Variants in EXT1 observed in about 807,000 individuals in gnomAD.
EXT1 encodes exostosin glycosyltransferase 1.
EXT1 carries 20 observed loss-of-function variants against 82.5 expected under a neutral mutation model. The observed-to-expected ratio is 0.24, with a 90% CI of 0.17 to 0.35. EXT1 has a LOEUF of 0.35. Among genes scored for constraint, EXT1 ranks in the 10% least tolerant of loss-of-function variants. The pLI, the probability that EXT1 is intolerant of heterozygous loss-of-function variation, is 1.00. For synonymous variants in EXT1, 348 were observed against 350.8 expected, an observed-to-expected ratio of 0.99 and a Z score of 0.09; for missense variants, 757 against 936.5, an observed-to-expected ratio of 0.81 and a Z score of 2.50.
At position 117,919,506 on chromosome 8, in the gene EXT1, CT is replaced by C. The variant is rs34037715; in HGVS notation, c.963-82306del. On this transcript the variant is annotated intron_variant, in intron 1 of 10. Coordinates refer to ENST00000378204, the MANE Select transcript of EXT1 (RefSeq NM_000127.3). ...CGCTTGGCCAACATCTGAGTTAAAA[CT>C]TTTTTTTTTTTTTTTGAGACAAGGT... 8.2e-3 allele frequency among the ~76,000 whole-genome samples: 1,151 copies of C among 140,996 alleles called. 11 individuals are homozygous for C. Among genetic ancestry groups the C allele is most frequent in the African/African-American group, 0.025 (932 of 37,598 alleles). The allele number at this position is 140,996 out of a possible 152,430, so 92.5% of individuals were successfully genotyped here.
At chr8:118,104,434 C>A (rs1021977259) in intron 1 of EXT1, among the ~76,000 whole-genome samples, 1 of 152,286 alleles carries the variant, frequency 6.6e-6, no homozygotes, top group Admixed American at 6.5e-5. Flanking sequence ...GACATGGCCA[C>A]TGCATACAAC....
chr8:117,850,871 T>TA (rs1812441507), intron 1 of EXT1, among the ~76,000 whole-genome samples: 1 of 151,878 alleles, frequency 6.6e-6, no homozygotes, highest in Non-Finnish European at 1.5e-5. Context: ...ACCCCAAGGG[T>TA]AGACCATTGG....
chr8:117,801,635 A>T (rs1486201148), intron 10 of EXT1, among the ~76,000 whole-genome samples: 1 of 152,134 alleles, frequency 6.6e-6, no homozygotes, highest in Admixed American at 6.5e-5. Flanking sequence ...CCTCCCAAGT[A>T]TCTGGGATTA....
At chr8:117,808,870 G>A (rs1017159598) in intron 8 of EXT1, among the ~76,000 whole-genome samples, 1 of 152,092 alleles carries the variant, frequency 6.6e-6, no homozygotes, top group African/African-American at 2.4e-5. Context: ...AGTGCAGATG[G>A]GCAATATCCA....
intron 1 of EXT1, among the ~76,000 whole-genome samples, chr8:118,055,990 T>C (rs1015523695): frequency 6.6e-6 from 1 of 152,218 alleles, no homozygotes; most frequent in African/African-American, 2.4e-5. Context: ...GTCCAATCTT[T>C]TGGCTTCCCT....
At chr8:118,034,133 C>G (rs1323944655) in intron 1 of EXT1, among the ~76,000 whole-genome samples, 1 of 152,126 alleles carries the variant, frequency 6.6e-6, no homozygotes, top group African/African-American at 2.4e-5. Flanking sequence ...TTGGGTTCCT[C>G]TTCTAAACAG....
chr8:117,799,568 T>G lies in EXT1; in HGVS notation c.*144A>C, dbSNP rs905788820. On this transcript the variant is annotated 3_prime_UTR_variant, in exon 11 of 11. Transcript: ENST00000378204. ...GCCAGGAGTTGAGTTCTCATTGGCC[T>G]TTTTTTTTTTGTCATTCTGCTCATC... is the stretch of plus-strand genomic sequence containing the variant. 17 of 181,312 alleles carry G rather than the reference T, an allele frequency of 9.4e-5. No homozygotes were observed. The highest frequency in any genetic ancestry group is 4.0e-4 in the African/African-American group (15 of 37,576). The allele number at this position is 181,312 out of a possible 1,614,324, so 11.2% of individuals were successfully genotyped here. A position where few individuals can be genotyped will look rare whatever the true frequency, so the allele number is the denominator to read the frequency against.
At chr8:118,010,775 A>C (rs556903264) in intron 1 of EXT1, among the ~76,000 whole-genome samples, 26 of 152,310 alleles carry the variant, frequency 1.7e-4, no homozygotes, top group Admixed American at 7.8e-4. Flanking sequence ...GAAATGTTTA[A>C]GGACTCTCTT....
intron 1 of EXT1, among the ~76,000 whole-genome samples, chr8:117,971,770 C>T (rs975189858): frequency 6.6e-6 from 1 of 152,218 alleles, no homozygotes; most frequent in Non-Finnish European, 1.5e-5. Flanking sequence ...GAACTCTTTG[C>T]AAATGGTATC....
At chr8:117,951,161 G>T (rs1217845400) in intron 1 of EXT1, among the ~76,000 whole-genome samples, 1 of 152,312 alleles carries the variant, frequency 6.6e-6, no homozygotes, top group Non-Finnish European at 1.5e-5. Context: ...ATGTTTTAGA[G>T]TGTTATCGTG....
intron 1 of EXT1, among the ~76,000 whole-genome samples, chr8:118,087,306 T>C (rs563203540): frequency 1.3e-5 from 2 of 152,326 alleles, no homozygotes; most frequent in East Asian, 1.9e-4. Context: ...TACAAAACCA[T>C]TGAATCGTTT....
Position 118,111,285 on chromosome 8 carries a change from C to A in EXT1, c.-239G>T, listed in dbSNP as rs974542844. 3 of 641,638 alleles carry A rather than the reference C, an allele frequency of 4.7e-6. No homozygotes were observed. Among genetic ancestry groups the A allele is most frequent in the African/African-American group, 3.6e-5 (2 of 54,852 alleles). 39.7% of individuals were successfully genotyped at this position (641,638 alleles called of 1,614,324 possible). The stretch of plus-strand genomic sequence containing the variant: ...GGGTTGCACAATGCACGGGAGAGAG[C>A]GGGGCTGAATATCTCGCACCCAGGG... On this transcript the variant is annotated 5_prime_UTR_variant, in exon 1 of 11. Transcript: ENST00000378204.
intron 1 of EXT1, among the ~76,000 whole-genome samples, chr8:117,937,608 A>C (rs532679369): frequency 6.6e-6 from 1 of 152,270 alleles, no homozygotes; most frequent in South Asian, 2.1e-4. Context: ...GCTCTTGTCA[A>C]ACGGTTTCCT....
chr8:117,968,825 T>TTA (rs1814881745), intron 1 of EXT1, among the ~76,000 whole-genome samples: 1 of 64,564 alleles, frequency 1.5e-5, no homozygotes, highest in Non-Finnish European at 2.5e-5. Flanking sequence ...CGCCTCGGCC[T>TTA]CCCAAAGTGC....
chr8:117,887,571 C>CGATCTCTT (rs1813168676), intron 1 of EXT1, among the ~76,000 whole-genome samples: 1 of 151,964 alleles, frequency 6.6e-6, no homozygotes, highest in Non-Finnish European at 1.5e-5. Flanking sequence ...AGGATGGTCT[C>CGATCTCTT]GATCTCTTGA....
chr8:117,985,205 T>C (rs1464171786), intron 1 of EXT1, among the ~76,000 whole-genome samples: 5 of 152,152 alleles, frequency 3.3e-5, no homozygotes, highest in Non-Finnish European at 5.9e-5. Context: ...CTGAATAAAT[T>C]TGGAACACTC....
At position 117,838,648 on chromosome 8, in the gene EXT1, A is replaced by T. The variant is rs138865684; in HGVS notation, c.963-1447T>A. ...CTTGAATTTAGTTAAATATAAAAAA[A>T]AAATAAATTAGATGGTAGTGATTTC... On this transcript the variant is annotated intron_variant, in intron 1 of 10. Transcript: ENST00000378204. Among the ~76,000 whole-genome samples, 784 of 152,314 alleles carry T rather than the reference A, an allele frequency of 5.1e-3. 8 individuals carry two copies. The highest frequency in any genetic ancestry group is 0.015 in the African/African-American group (644 of 41,594).
At chr8:117,923,597 T>G (rs1486745132) in intron 1 of EXT1, among the ~76,000 whole-genome samples, 3 of 150,252 alleles carry the variant, frequency 2.0e-5, no homozygotes, top group African/African-American at 4.9e-5. Context: ...ATGGTGGCGG[T>G]TGCCTGTAGT....
chr8:117,824,805 G>A (rs1287784162), intron 4 of EXT1, among the ~76,000 whole-genome samples: 3 of 152,086 alleles, frequency 2.0e-5, no homozygotes, highest in East Asian at 3.9e-4. Context: ...ACATATTTAC[G>A]AATAAAATTT....
Sources: gnomAD v4.1 joint callset for allele counts (sites outside exome capture counted in the v4.1 genomes callset) on GRCh38, gnomAD v4.1.1 for gene constraint, MANE v1.5 for transcripts, NCBI Gene and HGNC (gene_info 2026-07-23, HGNC 2026-07-21) for gene names.